Variants in RNF38 observed in about 807,000 individuals in gnomAD.
RNF38 encodes E3 ubiquitin-protein ligase RNF38.
A neutral mutation model predicts 67.2 loss-of-function variants in RNF38; 15 were observed. That is an observed-to-expected ratio of 0.22 (90% CI 0.15 to 0.34). RNF38 has a LOEUF of 0.34. RNF38 is among the 10% of genes least tolerant of loss of function. The probability of loss-of-function intolerance (pLI) is 1.00; values close to 1 mark genes in which losing one functional copy is unlikely to be tolerated. For synonymous variants in RNF38, 220 were observed against 218.8 expected, an observed-to-expected ratio of 1.01 and a Z score of -0.05; for missense variants, 524 against 639.9, an observed-to-expected ratio of 0.82 and a Z score of 1.95.
chr9:36,367,485 T>C (rs927973006), intron 4 of RNF38, among the ~76,000 whole-genome samples: 3 of 152,218 alleles, frequency 2.0e-5, no homozygotes, highest in African/African-American at 7.2e-5. Flanking sequence ...TTCCTAATAC[T>C]GAACCCATGC....
At chr9:36,402,597 A>G (rs1311629291), upstream of RNF38, among the ~76,000 whole-genome samples, 1 of 152,124 alleles carries the variant, frequency 6.6e-6, no homozygotes, top group Non-Finnish European at 1.5e-5. Context: ...AAAGGGGAGA[A>G]GAACATCAGG....
chr9:36,480,442 C>G (rs1840224188), intron 1 of RNF38, among the ~76,000 whole-genome samples: 3 of 151,982 alleles, frequency 2.0e-5, no homozygotes, highest in Admixed American at 1.3e-4. Context: ...GGTGCAGAAG[C>G]AGAATGGACA....
intron 1 of RNF38, among the ~76,000 whole-genome samples, chr9:36,451,916 T>TA (rs1482011896): frequency 6.6e-6 from 1 of 152,148 alleles, no homozygotes; most frequent in Non-Finnish European, 1.5e-5. Context: ...CAAACTTTTT[T>TA]AAAAAAAAAA....
intron 1 of RNF38, among the ~76,000 whole-genome samples, chr9:36,476,934 T>C (rs1004625104): frequency 1.3e-5 from 2 of 152,118 alleles, no homozygotes; most frequent in African/African-American, 4.8e-5. Context: ...GTACACACTA[T>C]CTACCTGTAC....
At chr9:36,393,341 T>C (rs1016738702) in intron 1 of RNF38, among the ~76,000 whole-genome samples, 3 of 152,144 alleles carry the variant, frequency 2.0e-5, no homozygotes, top group Non-Finnish European at 4.4e-5. Flanking sequence ...AGAGGCTCCA[T>C]TTGTCTTAAA....
At chr9:36,375,086 A>G (rs528134564) in intron 3 of RNF38, among the ~76,000 whole-genome samples, 10 of 152,348 alleles carry the variant, frequency 6.6e-5, no homozygotes, top group Admixed American at 3.9e-4. Context: ...GAAGAAACTC[A>G]GGAAGAAATG....
At chr9:36,438,431 C>T (rs942816262) in intron 1 of RNF38, among the ~76,000 whole-genome samples, 2 of 151,782 alleles carry the variant, frequency 1.3e-5, no homozygotes, top group African/African-American at 2.4e-5. Flanking sequence ...TTTTTTTAAG[C>T]TCATCAGCAA....
At chr9:36,343,750 G>A (rs1833016326) in intron 10 of RNF38, among the ~76,000 whole-genome samples, 1 of 151,988 alleles carries the variant, frequency 6.6e-6, no homozygotes, top group Non-Finnish European at 1.5e-5. Flanking sequence ...ACCAGTAAAA[G>A]CTACAATATA....
Position 36,432,804 on chromosome 9 carries a change from A to C in RNF38, n.242-8121T>G, listed in dbSNP as rs578221426. On this transcript the variant is annotated intron_variant and non_coding_transcript_variant, in intron 1 of 3. Coordinates refer to the RNF38 transcript ENST00000488058. ...AAACAACAACAAAAACAAAACAAAA[A>C]AACAAAGAAATACTATTTCAGCCAT... 5.9e-5 allele frequency among the ~76,000 whole-genome samples: 9 copies of C among 152,248 alleles called. No homozygotes were observed. The East Asian group carries it at 7.7e-4, about 13-fold the overall frequency.
At chr9:36,424,804 A>G (rs1838726931) in intron 1 of RNF38, 1 of 189,980 alleles carries the variant, frequency 5.3e-6, no homozygotes, top group Non-Finnish European at 9.8e-6. Flanking sequence ...ATAAGTAGAC[A>G]CTGTGGGGAT....
chr9:36,487,219 G>T, intron 1 of RNF38: 1 of 831,122 alleles, frequency 1.2e-6, no homozygotes, highest in Non-Finnish European at 1.5e-6. Context: ...CCGTCGGCGG[G>T]GCCGGGCGCC....
At chr9:36,465,572 T>C (rs1431802777) in intron 1 of RNF38, among the ~76,000 whole-genome samples, 1 of 152,116 alleles carries the variant, frequency 6.6e-6, no homozygotes, top group East Asian at 1.9e-4. Context: ...CTCGAACTCC[T>C]GACCTCAGGT....
Position 36,376,037 on chromosome 9 carries a change from G to A in RNF38, c.253C>T (p.Arg85Ter). The A allele has an allele frequency of 1.2e-6, 2 of 1,612,752 alleles. No individual in the cohort carries two copies. ...SASPAPSPPM[R>*]PWEMTSNRQP... ...CTATTTGATGTCATCTCCCATGGTCGCATTGGTGGTGAGGGAGCTGGTGAT... is the reference window on the plus strand; with the variant it reads ...CTATTTGATGTCATCTCCCATGGTCACATTGGTGGTGAGGGAGCTGGTGAT... Residue 85 changes from arginine to a stop codon, truncating the protein, a stop_gained, in exon 3 of 12, where the codon CGA (arginine) becomes TGA (stop). Coordinates refer to ENST00000259605, the MANE Select transcript of RNF38 (RefSeq NM_022781.5). LOFTEE classifies it high-confidence loss of function.
intron 1 of RNF38, among the ~76,000 whole-genome samples, chr9:36,444,280 G>A (rs2134310090): frequency 6.6e-6 from 1 of 152,184 alleles, no homozygotes; most frequent in Non-Finnish European, 1.5e-5. Context: ...CAAAGGCAAA[G>A]GGTTTCAAGA....
At chr9:36,485,023 G>C (rs1267954222) in intron 1 of RNF38, among the ~76,000 whole-genome samples, 1 of 152,110 alleles carries the variant, frequency 6.6e-6, no homozygotes, top group African/African-American at 2.4e-5. Context: ...AAAAAAATTA[G>C]CCGGGCATGG....
intron 1 of RNF38, among the ~76,000 whole-genome samples, chr9:36,456,049 A>T (rs1355687958): frequency 6.6e-6 from 1 of 152,168 alleles, no homozygotes; most frequent in Non-Finnish European, 1.5e-5. Flanking sequence ...CACCTGGATG[A>T]ATTTTCTTGA....
At chr9:36,367,042 A>T (rs1445213975) in intron 4 of RNF38, among the ~76,000 whole-genome samples, 4 of 152,166 alleles carry the variant, frequency 2.6e-5, no homozygotes, top group Non-Finnish European at 5.9e-5. Context: ...ATATCCCTGT[A>T]TTCTGGGTAT....
intron 2 of RNF38, among the ~76,000 whole-genome samples, chr9:36,416,515 G>A (rs1043795425): frequency 6.6e-6 from 1 of 152,128 alleles, no homozygotes; most frequent in South Asian, 2.1e-4. Flanking sequence ...CCTAACTTCT[G>A]TGCCAGTATC....
chr9:36,475,571 C>G (rs1237497137), intron 1 of RNF38, among the ~76,000 whole-genome samples: 1 of 151,670 alleles, frequency 6.6e-6, no homozygotes, highest in African/African-American at 2.4e-5. Flanking sequence ...GTTGGCCAGG[C>G]TGGTCTCGAA....
Sources: allele counts gnomAD v4.1 joint callset (sites outside exome capture counted in the v4.1 genomes callset), GRCh38; gene constraint gnomAD v4.1.1; transcripts MANE v1.5; gene names NCBI Gene and HGNC (gene_info 2026-07-23, HGNC 2026-07-21).